The following MCM7 variants were observed in gnomAD, a reference collection of about 807,000 sequenced individuals.
The protein encoded by MCM7 is DNA replication licensing factor MCM7.
Under a neutral mutation model 83.5 loss-of-function variants are expected in MCM7, and 95 were observed. The ratio of observed to expected loss-of-function variants is 1.14; its 90% CI spans 0.96 to 1.35. The LOEUF is 1.35. MCM7 is among the 40% of genes most tolerant of loss of function. MCM7 has a pLI of 0.00. For synonymous variants in MCM7, 461 were observed against 352.7 expected, an observed-to-expected ratio of 1.31 and a Z score of -3.44; for missense variants, 1,087 against 957.4, an observed-to-expected ratio of 1.14 and a Z score of -1.79.
chr7:100,095,312 A>C, intron 12 of MCM7, 75 bp downstream of exon 12: 2 of 1,300,462 alleles, frequency 1.5e-6, no homozygotes, highest in South Asian at 1.3e-5. Flanking sequence ...ACACACCCTA[A>C]GACTAATAAG....
rs372198296 is a variant in MCM7 at position 100,099,622 on chromosome 7, T to C, written c.243A>G (p.Val81=). 2.4e-5 allele frequency: 39 copies of C among 1,614,158 alleles called. No homozygotes were observed. Among genetic ancestry groups the C allele is most frequent in the African/African-American group, 6.7e-5 (5 of 75,054 alleles). ...CCTTGTACTGAGGCAGCAGCTCTTG[T>C]ACGGCATCAGCAAAGAGCTTCGCGT... ...RRYAKLFADA[V]QELLPQYKER... Residue 81 remains valine, a synonymous_variant, in exon 3 of 15, where the codon GTA becomes GTG. Transcript: ENST00000303887.
intron 13 of MCM7, 131 bp downstream of exon 13, chr7:100,094,042 T>C: frequency 8.8e-7 from 1 of 1,140,526 alleles, no homozygotes; most frequent in Non-Finnish European, 1.3e-6. Flanking sequence ...AGAGGACCAC[T>C]ATCTGCACTG....
At position 100,093,347 on chromosome 7, in the gene MCM7, T is replaced by C; in HGVS notation, c.1903A>G (p.Arg635Gly). The change falls in exon 14 of 15, where the codon AGG (arginine) becomes GGG (glycine). Residue 635 changes from arginine (R) to glycine (G), a missense_variant. Coordinates refer to ENST00000303887, the MANE Select transcript of MCM7 (RefSeq NM_005916.5). ...GAGTCCTTTGACATCTCCATTAGCC[T>C]GATGGCTTCATTCACATCTTCTTTC... The part of the protein sequence containing the change: ...VEKEDVNEAI[R>G]LMEMSKDSLL... 1 of 1,614,190 alleles carries C rather than the reference T, an allele frequency of 6.2e-7. No homozygotes were observed. The highest frequency in any genetic ancestry group is 8.5e-7 in the Non-Finnish European group (1 of 1,180,042).
At chr7:100,098,407 G>C in intron 6 of MCM7, 117 bp from the exon 7 acceptor site, 1 of 1,483,630 alleles carries the variant, frequency 6.7e-7, no homozygotes, top group African/African-American at 1.4e-5. Flanking sequence ...GCCCACAGCA[G>C]GGGTGCTGAG....
At chr7:100,093,718 T>TG in intron 13 of MCM7, 1 of 659,146 alleles carries the variant, frequency 1.5e-6, no homozygotes, top group South Asian at 1.4e-5. Flanking sequence ...GCATGACAGA[T>TG]GGAGCTTGGG....
Position 100,099,335 on chromosome 7 carries a change from G to A in MCM7, c.345C>T (p.Asp115=), listed in dbSNP as rs1306764633. 4.3e-6 allele frequency: 7 copies of A among 1,612,788 alleles called. No homozygotes were observed. The African/African-American group carries it at 6.7e-5, about 15-fold the overall frequency. ...TCTGGGGGCTTCGGACCATCCCAGG[G>A]TCCCGACTCCGCTGCTCCATCATTA... ...HRLMMEQRSR[D]PGMVRSPQNQ... Residue 115 remains aspartate, a synonymous_variant, in exon 4 of 15, where the codon GAC becomes GAT. Transcript: ENST00000303887.
chr7:100,099,415 GAAC>G lies in MCM7; in HGVS notation c.277-15_277-13del. 1.2e-6 allele frequency: 1 copy of G among 837,972 alleles called. No individual in the cohort carries two copies. The highest frequency in any genetic ancestry group is 2.8e-5 in the South Asian group (1 of 35,492). The allele number at this position is 837,972 out of a possible 1,614,324, so 51.9% of individuals were successfully genotyped here. A position where few individuals can be genotyped will look rare whatever the true frequency, so the allele number is the denominator to read the frequency against. On this transcript the variant is annotated splice_polypyrimidine_tract_variant and intron_variant, in intron 3 of 14. Transcript: ENST00000303887. ...TCTTTATTTACCACCTAAAGGAGAAGAACAAAAAAAAAAAAAAAAAAGAGCAAC... is the reference window on the plus strand; with the variant it reads ...TCTTTATTTACCACCTAAAGGAGAAGAAAAAAAAAAAAAAAAAAGAGCAAC...
At position 100,101,360 on chromosome 7, in the gene MCM7, A is replaced by C; in HGVS notation, c.-66T>G. On this transcript the variant is annotated 5_prime_UTR_variant, in exon 1 of 15. Transcript: ENST00000303887. ...GGTCTTGCTCCTGGGGAAGCTGAGAATCTCCGCGCGGTGGACTGTGGCCGG... is the reference window on the plus strand; with the variant it reads ...GGTCTTGCTCCTGGGGAAGCTGAGACTCTCCGCGCGGTGGACTGTGGCCGG... 6.2e-7 allele frequency: 1 copy of C among 1,604,886 alleles called. No homozygotes were observed. The highest frequency in any genetic ancestry group is 8.5e-7 in the Non-Finnish European group (1 of 1,175,136).
chr7:100,098,677 T>G lies in MCM7; in HGVS notation c.621A>C (p.Pro207=), dbSNP rs1795772071. The G allele has an allele frequency of 4.3e-6, 7 of 1,614,146 alleles. No individual in the cohort carries two copies. Among genetic ancestry groups the G allele is most frequent in the Non-Finnish European group, 5.9e-6 (7 of 1,180,030 alleles). ...SPTFMPLIMC[P]SQECQTNRSG... is the part of the protein sequence containing the mutation. The stretch of plus-strand genomic sequence containing the variant: ...AGCGGTTGGTTTGGCACTCCTGGCT[T>G]GGGCACATGATCAGAGGCATGAAAG... Residue 207 remains proline (P), a synonymous_variant, in exon 6 of 15, where the codon CCA becomes CCC. Transcript: ENST00000303887.
At chr7:100,101,221 G>C (rs371254038) in intron 1 of MCM7, 43 bp downstream of exon 1, 4 of 1,611,636 alleles carry the variant, frequency 2.5e-6, no homozygotes, top group South Asian at 1.1e-5. Flanking sequence ...TTCCCCGGGA[G>C]GCTCCCCGCG....
intron 1 of MCM7, chr7:100,100,492 ACCCCACCCCCGCT>A (rs1795924036): frequency 1.0e-6 from 1 of 985,916 alleles, no homozygotes; most frequent in Non-Finnish European, 1.2e-6. Context: ...CCGCCACCGC[ACCCCACCCCCGCT>A]CCCGCCATCG....
In MCM7 at chr7:100,096,160, G is replaced by A. The variant is rs371562674; in HGVS notation, c.1209C>T (p.Tyr403=). The A allele has an allele frequency of 1.3e-6, 2 of 1,585,632 alleles. No homozygotes were observed. The highest frequency in any genetic ancestry group is 8.6e-7 in the Non-Finnish European group (1 of 1,164,956). Reference sequence around the variant, plus strand: ...CTCCTGAGGAGCCCCGGCCTGTTGTGTACTGGCCTGGAAGAGAAGAAATAA... The same window carrying A: ...CTCCTGAGGAGCCCCGGCCTGTTGTATACTGGCCTGGAAGAGAAGAAATAA... ...YIDRLAPRSQ[Y]TTGRGSSGVG... Residue 403 remains tyrosine (Y), a synonymous_variant, in exon 11 of 15, where the codon TAC becomes TAT. Coordinates refer to ENST00000303887, the MANE Select transcript of MCM7 (RefSeq NM_005916.5).
intron 10 of MCM7, among the ~76,000 whole-genome samples, chr7:100,096,378 C>G (rs1041708935): frequency 5.0e-4 from 76 of 152,162 alleles, no homozygotes; most frequent in African/African-American, 1.8e-3. Flanking sequence ...CTGTGGCTCA[C>G]TGAAACCTTG....
At chr7:100,095,286 TG>T in intron 12 of MCM7, 100 bp downstream of exon 12, 2 of 971,564 alleles carry the variant, frequency 2.1e-6, no homozygotes, top group Non-Finnish European at 3.2e-6. Context: ...TAGCGGGAAG[TG>T]GTGGTGTGAA....
chr7:100,093,265 A>T, intron 14 of MCM7, 27 bp downstream of exon 14: 1 of 1,600,400 alleles, frequency 6.2e-7, no homozygotes, highest in Non-Finnish European at 8.6e-7. Context: ...AAAGTGACAC[A>T]GCTTTGTCCT....
At chr7:100,093,219 A>T in intron 14 of MCM7, 73 bp downstream of exon 14, 2 of 1,595,538 alleles carry the variant, frequency 1.3e-6, no homozygotes, top group South Asian at 2.2e-5. Context: ...CAGTGTTAGA[A>T]TTGAGGCCAA....
chr7:100,094,369 G>A (rs775213641), intron 12 of MCM7, 28 bp from the exon 13 acceptor site: 5 of 1,612,884 alleles, frequency 3.1e-6, no homozygotes, highest in African/African-American at 2.7e-5. Flanking sequence ...TGGGGAAGCA[G>A]AAGAGGGAGA....
intron 10 of MCM7, 40 bp from the exon 11 acceptor site, chr7:100,096,207 C>G (rs780518515): frequency 2.0e-5 from 31 of 1,520,198 alleles, no homozygotes; most frequent in Non-Finnish European, 2.7e-5. Flanking sequence ...AGAGAAAGAA[C>G]AAGAAAGAGA....
In MCM7 at chr7:100,101,341, G is replaced by GCT. The variant is rs1562902531; in HGVS notation, c.-49_-48dup. 6.2e-7 allele frequency: 1 copy of GCT among 1,611,310 alleles called. No individual in the cohort carries two copies. Among genetic ancestry groups the GCT allele is most frequent in the Admixed American group, 1.7e-5 (1 of 59,798 alleles). ...CGCGCTTGGCGGGCTCAGAGGTCTT[G>GCT]CTCCTGGGGAAGCTGAGAATCTCCG... On this transcript the variant is annotated 5_prime_UTR_variant, in exon 1 of 15. Coordinates refer to ENST00000303887, the MANE Select transcript of MCM7 (RefSeq NM_005916.5).
Sources: gnomAD v4.1 joint callset for allele counts (sites outside exome capture counted in the v4.1 genomes callset) on GRCh38, gnomAD v4.1.1 for gene constraint, MANE v1.5 for transcripts, NCBI Gene and HGNC (gene_info 2026-07-23, HGNC 2026-07-21) for gene names.